HYLS1: variants seen among roughly 807,000 people sequenced by gnomAD.
The protein encoded by HYLS1 is HYLS1 centriolar and ciliogenesis associated.
In HYLS1, 25 loss-of-function variants were observed where a neutral mutation model predicts 29.4. The observed-to-expected ratio is 0.85, with a 90% CI of 0.62 to 1.19. The LOEUF (loss-of-function observed/expected upper bound fraction) is 1.19, where lower values mean the gene tolerates loss of function less well. HYLS1 is among the 50% of genes most tolerant of loss of function. The pLI is 0.00. For synonymous variants in HYLS1, 128 were observed against 126.7 expected (o/e 1.01, Z -0.07); for missense variants, 352 against 365.1 (o/e 0.96, Z 0.29).
upstream of HYLS1, among the ~76,000 whole-genome samples, chr11:125,884,426 G>T (rs535424024): frequency 4.6e-5 from 7 of 151,098 alleles, no homozygotes; most frequent in African/African-American, 1.5e-4. Context: ...TGGCTAACAT[G>T]GTGAAACCCT....
At chr11:125,884,467 G>C (rs1168392233), upstream of HYLS1, among the ~76,000 whole-genome samples, 1 of 152,054 alleles carries the variant, frequency 6.6e-6, no homozygotes, top group Non-Finnish European at 1.5e-5. Context: ...AAATTAGCCG[G>C]GTGCGGTGGC....
chr11:125,885,378 G>A (rs1322948929), upstream of HYLS1, among the ~76,000 whole-genome samples: 4 of 152,136 alleles, frequency 2.6e-5, no homozygotes, highest in Non-Finnish European at 5.9e-5. Context: ...TTGAACCTGG[G>A]AGGTGGAGGT....
chr11:125,893,594 G>C, intron 2 of HYLS1: 1 of 509,376 alleles, frequency 2.0e-6, no homozygotes, highest in Non-Finnish European at 3.4e-6. Context: ...TTTTGGACCG[G>C]GATAAGAGAA....
In HYLS1 at chr11:125,899,934, C is replaced by T. The variant is rs1377297767; in HGVS notation, c.566C>T (p.Ala189Val). The T allele has an allele frequency of 6.2e-7, 1 of 1,614,192 alleles. No homozygotes were observed. Among genetic ancestry groups the T allele is most frequent in the South Asian group, 1.1e-5 (1 of 91,084 alleles). The stretch of plus-strand genomic sequence containing the variant: ...GCTTACGAACAAGACCTGATTGTTG[C>T]CAGCAGACCCAAGTCCTTTATTCTC... ...SPAYEQDLIVASRPKSFILPK... is the reference protein window; with the variant it reads ...SPAYEQDLIVVSRPKSFILPK... The change falls in exon 3 of 3, where the codon GCC becomes GTC. Residue 189 changes from alanine (A) to valine (V), a missense_variant. Physicochemically the swap from Ala to Val is moderately conservative, Grantham distance 64. Transcript: ENST00000425380.
chr11:125,894,770 AAT>A (rs1168825293), intron 2 of HYLS1, among the ~76,000 whole-genome samples: 28 of 152,346 alleles, frequency 1.8e-4, no homozygotes, highest in African/African-American at 6.7e-4. Context: ...ATTTAATATG[AAT>A]AGTTTGTTCA....
chr11:125,895,245 T>C (rs1355924642), intron 2 of HYLS1: 4 of 1,590,424 alleles, frequency 2.5e-6, no homozygotes, highest in Admixed American at 3.7e-5. Context: ...CTTTTGGGGA[T>C]TTTTCTCTAT....
Position 125,899,981 on chromosome 11 carries a change from C to A in HYLS1, c.613C>A (p.Arg205=), listed in dbSNP as rs781782721. ...FILPKLDQLS[R]NRGKTDRVAR... ...TCTCCCAAAGCTGGACCAGTTAAGC[C>A]GAAACCGGGGCAAGACAGACCGGGT... The change falls in exon 3 of 3, where the codon CGA becomes AGA. Residue 205 remains arginine, a synonymous_variant. Coordinates refer to ENST00000425380, the MANE Select transcript of HYLS1 (RefSeq NM_001134793.2). The A allele has an allele frequency of 1.9e-6, 3 of 1,614,164 alleles. No homozygotes were observed. In the Admixed American group the frequency reaches 5.0e-5, roughly 27 times the overall value.
intron 1 of HYLS1, among the ~76,000 whole-genome samples, chr11:125,889,810 A>C (rs1386435670): frequency 6.6e-6 from 1 of 152,232 alleles, no homozygotes; most frequent in African/African-American, 2.4e-5. Flanking sequence ...CACAGGGCAT[A>C]ATAAGGATGC....
chr11:125,896,407 A>G, intron 2 of HYLS1: 1 of 972,704 alleles, frequency 1.0e-6, no homozygotes, highest in Non-Finnish European at 1.5e-6. Flanking sequence ...ATAAGATTTA[A>G]TTTAATGCCC....
chr11:125,890,710 C>T (rs1201680928), intron 1 of HYLS1, among the ~76,000 whole-genome samples: 1 of 152,138 alleles, frequency 6.6e-6, no homozygotes, highest in Admixed American at 6.5e-5. Flanking sequence ...GTTGCTCTAG[C>T]TTTTATGTGA....
Position 125,900,195 on chromosome 11 carries a change from G to A in HYLS1, c.827G>A (p.Arg276His), listed in dbSNP as rs764729527. 13 of 1,614,076 alleles carry A rather than the reference G, an allele frequency of 8.1e-6. No individual in the cohort carries two copies. Among genetic ancestry groups the A allele is most frequent in the South Asian group, 2.2e-5 (2 of 91,084 alleles). The change falls in exon 3 of 3, where the codon CGT becomes CAT. Residue 276 changes from arginine (R) to histidine (H), a missense_variant. Physicochemically the swap from Arg to His is conservative, Grantham distance 29 (BLOSUM62 0). Transcript: ENST00000425380. ...ACAGAGAAGAAAAGGTCTGCACTCC[G>A]TTGGGGTGTTCGTTGTGACCTTGCA... ...VPTEKKRSAL[R>H]WGVRCDLANG... is the part of the protein sequence containing the mutation.
At chr11:125,893,939 A>G (rs1441319659) in intron 2 of HYLS1, 2 of 1,614,144 alleles carry the variant, frequency 1.2e-6, no homozygotes, top group Non-Finnish European at 1.7e-6. Context: ...TCCCCTACGT[A>G]CAAAATGCTG....
chr11:125,899,918 C>T lies in HYLS1; in HGVS notation c.550C>T (p.Gln184Ter), dbSNP rs1381042113. ...REGMGSPAYE[Q>*]DLIVASRPKS... is the part of the protein sequence containing the mutation. ...AGGAATGGGCTCTCCAGCTTACGAA[C>T]AAGACCTGATTGTTGCCAGCAGACC... The change falls in exon 3 of 3, where the codon CAA becomes TAA. Residue 184 changes from glutamine (Q) to a stop codon, truncating the protein, a stop_gained. Transcript: ENST00000425380. LOFTEE classifies it high-confidence loss of function. 5.0e-6 allele frequency: 8 copies of T among 1,614,082 alleles called. No individual in the cohort carries two copies. The highest frequency in any genetic ancestry group is 2.7e-5 in the African/African-American group (2 of 74,924).
At chr11:125,895,955 G>T (rs1373776964) in intron 2 of HYLS1, 1 of 1,614,058 alleles carries the variant, frequency 6.2e-7, no homozygotes, top group Non-Finnish European at 8.5e-7. Context: ...ATCGGTGATA[G>T]TTGGATGTCT....
intron 2 of HYLS1, among the ~76,000 whole-genome samples, chr11:125,894,914 C>T (rs1053558522): frequency 1.3e-5 from 2 of 152,136 alleles, no homozygotes; most frequent in African/African-American, 4.8e-5. Flanking sequence ...TGGGATAGAA[C>T]AATGAGAGGA....
upstream of HYLS1, chr11:125,886,919 C>CAAAAAAA (rs34048608): frequency 2.8e-3 from 238 of 84,546 alleles, 4 homozygotes; most frequent in Middle Eastern, 0.014. Flanking sequence ...AACTCCGTCT[C>CAAAAAAA]AAAAAAAAAA....
At chr11:125,896,434 C>T (rs1202029257) in intron 2 of HYLS1, 2 of 804,700 alleles carry the variant, frequency 2.5e-6, no homozygotes, top group Non-Finnish European at 3.8e-6. Flanking sequence ...TATACTTTTG[C>T]TTTTCCAGGA....
chr11:125,889,319 T>C (rs1161328661), intron 1 of HYLS1, among the ~76,000 whole-genome samples: 1 of 152,208 alleles, frequency 6.6e-6, no homozygotes, highest in Non-Finnish European at 1.5e-5. Flanking sequence ...TAAAATGGTA[T>C]GGTAGTGGTC....
chr11:125,889,795 C>A (rs1944378930), intron 1 of HYLS1, among the ~76,000 whole-genome samples: 1 of 152,108 alleles, frequency 6.6e-6, no homozygotes, highest in Non-Finnish European at 1.5e-5. Context: ...GGATTATCCC[C>A]AACACACAGG....
Sources: gnomAD v4.1 joint callset for allele counts (sites outside exome capture counted in the v4.1 genomes callset) on GRCh38, gnomAD v4.1.1 for gene constraint, MANE v1.5 for transcripts, NCBI Gene and HGNC (gene_info 2026-07-23, HGNC 2026-07-21) for gene names.